SEC61A2: variants seen among roughly 807,000 people sequenced by gnomAD.
SEC61A2 encodes the protein SEC61 translocon subunit alpha 2, also known as protein transport protein Sec61 subunit alpha isoform 2.
Under a neutral mutation model 59.9 loss-of-function variants are expected in SEC61A2, and 28 were observed. The observed-to-expected ratio is 0.47, with a 90% CI of 0.35 to 0.64. The LOEUF (loss-of-function observed/expected upper bound fraction) is 0.64. Among genes scored for constraint, SEC61A2 ranks in the 30% least tolerant of loss-of-function variants. The pLI, the probability that SEC61A2 is intolerant of heterozygous loss-of-function variation, is 0.01. For missense variants in SEC61A2, 340 were observed against 585.9 expected (o/e 0.58, Z 4.33); for synonymous variants, 202 against 214.4 (o/e 0.94, Z 0.50).
Position 12,161,842 on chromosome 10 carries a change from C to T in SEC61A2, c.1168-371C>T, listed in dbSNP as rs1588646683. On this transcript the variant is annotated intron_variant, in intron 10 of 11. Transcript: ENST00000298428. The surrounding 1 kb of genome is among the most constrained non-coding windows in gnomAD (Gnocchi z 5.4). ...TTAATTGTCAAAACAGTAGTGGATA[C>T]ACTCCTTTATAACTTAAGCTTTAAT... 6.6e-6 allele frequency among the ~76,000 whole-genome samples: 1 copy of T among 152,124 alleles called. No homozygotes were observed. Among genetic ancestry groups the T allele is most frequent in the Non-Finnish European group, 1.5e-5 (1 of 68,020 alleles).
intron 3 of SEC61A2, among the ~76,000 whole-genome samples, chr10:12,139,846 G>A (rs1833971463): frequency 6.6e-6 from 1 of 151,688 alleles, no homozygotes; most frequent in Admixed American, 6.6e-5. Flanking sequence ...GCAAATACCT[G>A]TAGTCCCAGC....
intron 4 of SEC61A2, among the ~76,000 whole-genome samples, chr10:12,148,895 G>C (rs10906087): frequency 0.42 from 64,521 of 152,032 alleles, 15,013 homozygotes; most frequent in South Asian, 0.57. Flanking sequence ...TATCTGAGAC[G>C]ACATCAAAAA....
chr10:12,146,548 C>T (rs928952628), intron 4 of SEC61A2, among the ~76,000 whole-genome samples: 13 of 151,402 alleles, frequency 8.6e-5, no homozygotes, highest in Non-Finnish European at 1.5e-4. Flanking sequence ...GACGGAGTCT[C>T]GCTCTGTCAC....
chr10:12,160,882 C>A lies in SEC61A2; in HGVS notation c.976-48C>A. ...GTTTGAAGTGACATGCAAATGTATTCCTGACTAATTAGGTTGACCACTTGT... is the reference window on the plus strand; with the variant it reads ...GTTTGAAGTGACATGCAAATGTATTACTGACTAATTAGGTTGACCACTTGT... On this transcript the variant is annotated intron_variant, in intron 9 of 11. Coordinates refer to ENST00000298428, the MANE Select transcript of SEC61A2 (RefSeq NM_018144.4). The surrounding 1 kb of genome is among the most constrained non-coding windows in gnomAD (Gnocchi z 4.1). 6.7e-7 allele frequency: 1 copy of A among 1,490,998 alleles called. No individual in the cohort carries two copies. Among genetic ancestry groups the A allele is most frequent in the East Asian group, 2.3e-5 (1 of 43,124 alleles). 92.4% of individuals were successfully genotyped at this position (1,490,998 alleles called of 1,614,324 possible). A position where few individuals can be genotyped will look rare whatever the true frequency, so the allele number is the denominator to read the frequency against.
In SEC61A2 at chr10:12,154,425, C is replaced by G. The variant is rs576645019; in HGVS notation, c.463-1353C>G. ...AGAGGTCATTTCTCAAGGCCCATCA[C>G]GATGCTTTCTGTGGCTGATGTTCAT... is the stretch of plus-strand genomic sequence containing the variant. On this transcript the variant is annotated intron_variant, in intron 6 of 11. Transcript: ENST00000298428. The surrounding 1 kb of genome is among the most constrained non-coding windows in gnomAD (Gnocchi z 5.2). Among the ~76,000 whole-genome samples the G allele has an allele frequency of 2.0e-5, 3 of 152,092 alleles. No individual in the cohort carries two copies. The highest frequency in any genetic ancestry group is 7.2e-5 in the African/African-American group (3 of 41,412).
At position 12,164,452 on chromosome 10, in the gene SEC61A2, T is replaced by A. The variant is rs1834613984; in HGVS notation, c.1429T>A (p.Ter477LysextTer10). 1 of 1,609,172 alleles carries A rather than the reference T, an allele frequency of 6.2e-7. No individual in the cohort carries two copies. Among genetic ancestry groups the A allele is most frequent in the Non-Finnish European group, 8.5e-7 (1 of 1,177,884 alleles). The change falls in exon 12 of 12, where the codon TAA (stop) becomes AAA (lysine). Residue 477 changes from the stop codon to lysine, a stop_lost. Coordinates refer to ENST00000298428, the MANE Select transcript of SEC61A2 (RefSeq NM_018144.4). This position sits in a 1 kb window ranked among gnomAD's most constrained non-coding sequence, Gnocchi z 7.3. ...TGGTGGGATGGGTGCTTTGTTTTTC[T>A]AAATGTTCAAATATTTCATTTTGTG... is the stretch of plus-strand genomic sequence containing the variant. The part of the protein sequence containing the change: ...EVGGMGALFF[*>K]
At chr10:12,165,492 C>G (rs1834648672), downstream of SEC61A2, 1 of 388,110 alleles carries the variant, frequency 2.6e-6, no homozygotes, top group Non-Finnish European at 3.5e-6. Flanking sequence ...TGTAATTACA[C>G]TTCAAACTTT....
At position 12,153,684 on chromosome 10, in the gene SEC61A2, A is replaced by T; in HGVS notation, c.463-2094A>T. The T allele has an allele frequency of 1.3e-6, 2 of 1,585,470 alleles. No homozygotes were observed. The highest frequency in any genetic ancestry group is 2.2e-5 in the East Asian group (1 of 44,460). On this transcript the variant is annotated intron_variant, in intron 6 of 11. Coordinates refer to ENST00000298428, the MANE Select transcript of SEC61A2 (RefSeq NM_018144.4). The surrounding 1 kb of genome is among the most constrained non-coding windows in gnomAD (Gnocchi z 5.2). Reference sequence around the variant, plus strand: ...ATTCTTCTAATGTTAATATATAAAGAGGGGTGTCATGTTTGATTGTAGGTG... The same window carrying T: ...ATTCTTCTAATGTTAATATATAAAGTGGGGTGTCATGTTTGATTGTAGGTG...
intron 4 of SEC61A2, among the ~76,000 whole-genome samples, chr10:12,146,725 A>G (rs943052728): frequency 2.2e-4 from 34 of 151,686 alleles, no homozygotes; most frequent in South Asian, 4.2e-4. Context: ...TCACCATGTT[A>G]GCCAGGATGG....
chr10:12,148,644 A>G (rs1246270937), intron 4 of SEC61A2, among the ~76,000 whole-genome samples: 1 of 151,062 alleles, frequency 6.6e-6, no homozygotes, highest in Non-Finnish European at 1.5e-5. Context: ...GGTTCAAGGG[A>G]TTCTCCTGCC....
At chr10:12,130,365 C>G (rs1833704144) in intron 1 of SEC61A2, among the ~76,000 whole-genome samples, 2 of 152,154 alleles carry the variant, frequency 1.3e-5, no homozygotes, top group Non-Finnish European at 1.5e-5. Flanking sequence ...AGGGCCCTCC[C>G]CGTAACACTC....
At position 12,152,743 on chromosome 10, in the gene SEC61A2, A is replaced by G. The variant is rs140396776; in HGVS notation, c.462+2782A>G. On this transcript the variant is annotated intron_variant, in intron 6 of 11. Coordinates refer to ENST00000298428, the MANE Select transcript of SEC61A2 (RefSeq NM_018144.4). This position sits in a 1 kb window ranked among gnomAD's most constrained non-coding sequence, Gnocchi z 5.5. ...CGCTGTCTCTACCAAAAATACAAAA[A>G]TTAGCAGGGCGTGGTGGCAGGAGCC... Among the ~76,000 whole-genome samples the G allele has an allele frequency of 1.4e-3, 209 of 152,230 alleles. 3 individuals are homozygous for G. The East Asian group carries it at 0.037, about 27-fold the overall frequency.
intron 2 of SEC61A2, among the ~76,000 whole-genome samples, chr10:12,134,955 G>T (rs1313035216): frequency 6.6e-6 from 1 of 151,844 alleles, no homozygotes; most frequent in Non-Finnish European, 1.5e-5. Context: ...ACCTAGGATA[G>T]TACTTCAAAA....
chr10:12,149,653 G>A lies in SEC61A2; in HGVS notation c.279G>A (p.Leu93=). The A allele has an allele frequency of 6.2e-7, 1 of 1,613,804 alleles. No individual in the cohort carries two copies. The highest frequency in any genetic ancestry group is 8.5e-7 in the Non-Finnish European group (1 of 1,179,888). Residue 93 remains leucine, a synonymous_variant, in exon 5 of 12, where the codon TTG becomes TTA. Transcript: ENST00000298428. The surrounding 1 kb of genome is among the most constrained non-coding windows in gnomAD (Gnocchi z 5.2). ...PIVTSGLIMQ[L]LAGAKIIEVG... ...TAACATCTGGTTTGATTATGCAGTT[G>A]TTAGCTGGAGCCAAAATCATTGAAG...
intron 4 of SEC61A2, among the ~76,000 whole-genome samples, chr10:12,144,570 G>A (rs888467651): frequency 6.6e-6 from 1 of 152,174 alleles, no homozygotes; most frequent in African/African-American, 2.4e-5. Flanking sequence ...TGTCCCAGTT[G>A]TCATGGAGTT....
At chr10:12,137,516 G>GCTGGTCTCGAATTCCTGGGCT (rs1833916301) in intron 3 of SEC61A2, among the ~76,000 whole-genome samples, 2 of 151,956 alleles carry the variant, frequency 1.3e-5, no homozygotes, top group African/African-American at 4.8e-5. Context: ...TGTTGCCCAG[G>GCTGGTCTCGAATTCCTGGGCT]CTGGTCTCGA....
At chr10:12,150,920 G>A (rs1425751997) in intron 6 of SEC61A2, among the ~76,000 whole-genome samples, 4 of 151,962 alleles carry the variant, frequency 2.6e-5, no homozygotes, top group Non-Finnish European at 4.4e-5. Context: ...GCTTACAGGT[G>A]CCTGCCACCA....
chr10:12,137,834 C>T (rs936392673), intron 3 of SEC61A2, among the ~76,000 whole-genome samples: 2 of 151,780 alleles, frequency 1.3e-5, no homozygotes, highest in Admixed American at 6.6e-5. Context: ...GGTGAAACTC[C>T]GTCTCTACTA....
At chr10:12,141,997 G>T (rs1834033475) in intron 3 of SEC61A2, among the ~76,000 whole-genome samples, 1 of 152,214 alleles carries the variant, frequency 6.6e-6, no homozygotes, top group Non-Finnish European at 1.5e-5. Context: ...GGAAAGGCCT[G>T]CATTCTTACT....
Sources: gnomAD v4.1 joint callset for allele counts (sites outside exome capture counted in the v4.1 genomes callset) on GRCh38, gnomAD v4.1.1 for gene constraint, Gnocchi (gnomAD v3.1) non-coding constraint, MANE v1.5 for transcripts, NCBI Gene and HGNC (gene_info 2026-07-23, HGNC 2026-07-21) for gene names.